Variants in TAS1R2 observed in about 807,000 individuals in gnomAD.
The protein encoded by TAS1R2 is taste 1 receptor member 2.
In TAS1R2, 47 loss-of-function variants were observed where a neutral mutation model predicts 49.3. The ratio of observed to expected loss-of-function variants is 0.95; its 90% confidence interval spans 0.75 to 1.22. The LOEUF (loss-of-function observed/expected upper bound fraction) is 1.22, where lower values mean the gene tolerates loss of function less well. Among genes scored for constraint, TAS1R2 ranks in the 50% most tolerant of loss-of-function variants. The pLI, the probability that TAS1R2 is intolerant of heterozygous loss-of-function variation, is 0.00. For synonymous variants in TAS1R2, 479 were observed against 467.9 expected (o/e 1.02, Z -0.31); for missense variants, 1,155 against 1,122.1 (o/e 1.03, Z -0.42).
chr1:18,841,680 C>T (rs745516806), intron 5 of TAS1R2, 49 bp downstream of exon 5: 1 of 1,584,966 alleles, frequency 6.3e-7, no homozygotes, highest in Non-Finnish European at 8.6e-7. Context: ...AGGGGCAGGG[C>T]AGGGGCAGGG....
chr1:18,859,535 A>T, exon 1 of TAS1R2: 2 of 1,614,182 alleles, frequency 1.2e-6, no homozygotes, highest in Non-Finnish European at 1.7e-6. Context: ...TCATGTTGGC[A>T]TGGAGGGAGA....
intron 4 of TAS1R2, among the ~76,000 whole-genome samples, chr1:18,847,592 CT>C (rs1557597102): frequency 1.3e-5 from 2 of 152,132 alleles, no homozygotes; most frequent in Non-Finnish European, 2.9e-5. Flanking sequence ...TTTTAGATCT[CT>C]AGATCCCCTC....
intron 2 of TAS1R2, among the ~76,000 whole-genome samples, chr1:18,855,529 C>T (rs1212873516): frequency 6.6e-6 from 1 of 152,158 alleles, no homozygotes; most frequent in Non-Finnish European, 1.5e-5. Context: ...CTTGGAGGAC[C>T]CTGGGCTCAG....
In TAS1R2 at chr1:18,857,685, G is replaced by A. The variant is rs556293121; in HGVS notation, c.183-54C>T. On this transcript the variant is annotated intron_variant, in intron 1 of 5. Coordinates refer to ENST00000375371, the Ensembl canonical transcript of TAS1R2. ...AAGCAGATCCAGAATGAGGAAGGAA[G>A]AGATAAGAGAACCAGCCCACTCCTC... 15 of 1,561,560 alleles carry A rather than the reference G, an allele frequency of 9.6e-6. No homozygotes were observed. The African/African-American group carries it at 1.5e-4, about 15-fold the overall frequency.
At position 18,854,546 on chromosome 1, in the gene TAS1R2, C is replaced by T. The variant is rs1399645112; in HGVS notation, c.924G>A (p.Pro308=). 8 of 1,613,628 alleles carry T rather than the reference C, an allele frequency of 5.0e-6. No homozygotes were observed. Among genetic ancestry groups the T allele is most frequent in the East Asian group, 2.2e-5 (1 of 44,886 alleles). Residue 308 remains proline, a synonymous_variant, in exon 3 of 6, where the codon CCG becomes CCA. Transcript: ENST00000375371. The surrounding 1 kb of genome is among the most constrained non-coding windows in gnomAD (Gnocchi z 4.9). ...GCAGCTCCGTGAGGTTGTGCAGGAC[C>T]GGGTCGATGGCCCAGGACTCGGAGG... is the stretch of plus-strand genomic sequence containing the variant.
intron 2 of TAS1R2, among the ~76,000 whole-genome samples, chr1:18,855,461 A>G (rs940548735): frequency 6.6e-6 from 1 of 151,782 alleles, no homozygotes; most frequent in African/African-American, 2.4e-5. Flanking sequence ...TTCCTTCCCA[A>G]CTCACTGGGA....
chr1:18,849,812 G>A (rs1359275489), intron 3 of TAS1R2, among the ~76,000 whole-genome samples: 2 of 152,148 alleles, frequency 1.3e-5, no homozygotes, highest in Non-Finnish European at 2.9e-5. Flanking sequence ...CTCTGAACCC[G>A]TTTCCTCTTC....
In TAS1R2 at chr1:18,847,896, A is replaced by G. The variant is rs150049877; in HGVS notation, c.1467+1445T>C. Among the ~76,000 whole-genome samples the G allele has an allele frequency of 8.1e-3, 1,229 of 152,334 alleles. 8 individuals carry two copies. Among genetic ancestry groups the G allele is most frequent in the Middle Eastern group, 0.034 (10 of 294 alleles). On this transcript the variant is annotated intron_variant, in intron 4 of 5. Coordinates refer to ENST00000375371, the Ensembl canonical transcript of TAS1R2. ...CACAATCATGGCAGAAGGCAAGGAG[A>G]AGCAAGTCACGTCTTAAATGGATAG... is the stretch of plus-strand genomic sequence containing the variant.
exon 6 of TAS1R2, chr1:18,839,787 T>C: frequency 6.2e-7 from 1 of 1,614,130 alleles, no homozygotes. Context: ...GACATGAAGG[T>C]GCAGAGGGAG....
Position 18,854,398 on chromosome 1 carries a change from TATA to T in TAS1R2, c.1069_1071del (p.Tyr357del). ...CAGTTGTCGCACTCCTGGTTGCAGG[TATA>T]GCTCTGGCTGGTCCTGCTGAGGGGT... On this transcript the variant is annotated inframe_deletion, in exon 3 of 6. Transcript: ENST00000375371. This position sits in a 1 kb window ranked among gnomAD's most constrained non-coding sequence, Gnocchi z 4.9. 4 of 1,613,890 alleles carry T rather than the reference TATA, an allele frequency of 2.5e-6. No homozygotes were observed. The highest frequency in any genetic ancestry group is 3.4e-6 in the Non-Finnish European group (4 of 1,179,910).
At chr1:18,843,910 A>G (rs1933871923) in intron 4 of TAS1R2, among the ~76,000 whole-genome samples, 1 of 152,252 alleles carries the variant, frequency 6.6e-6, no homozygotes, top group Non-Finnish European at 1.5e-5. Context: ...AGTGGGTCCA[A>G]GTAAATTTCT....
exon 6 of TAS1R2, chr1:18,840,435 G>A (rs1345480976): frequency 6.2e-7 from 1 of 1,614,182 alleles, no homozygotes; most frequent in East Asian, 2.2e-5. Flanking sequence ...GGTGCCTCAT[G>A]CCATTCCAGG....
At chr1:18,851,533 G>A (rs1388878838) in intron 3 of TAS1R2, among the ~76,000 whole-genome samples, 1 of 152,046 alleles carries the variant, frequency 6.6e-6, no homozygotes, top group Non-Finnish European at 1.5e-5. Context: ...GTTTCACCAT[G>A]TTGGCCAGGC....
chr1:18,850,646 G>A (rs577837254), intron 3 of TAS1R2, among the ~76,000 whole-genome samples: 1 of 152,364 alleles, frequency 6.6e-6, no homozygotes, highest in Admixed American at 6.5e-5. Context: ...GCAGGGTTGA[G>A]CACTTGGGAC....
chr1:18,840,273 T>C (rs374909964), exon 6 of TAS1R2: 26 of 1,613,860 alleles, frequency 1.6e-5, no homozygotes, highest in African/African-American at 4.0e-5. Context: ...GGGACCACCA[T>C]GTATGCCACC....
intron 3 of TAS1R2, among the ~76,000 whole-genome samples, chr1:18,853,631 T>C (rs551783919): frequency 6.6e-6 from 1 of 152,126 alleles, no homozygotes; most frequent in South Asian, 2.1e-4. Context: ...CCCCAAACTG[T>C]GAAAAAGCCA....
exon 5 of TAS1R2, chr1:18,841,791 A>G (rs1933830259): frequency 7.4e-6 from 12 of 1,614,032 alleles, no homozygotes; most frequent in African/African-American, 1.3e-5. Flanking sequence ...GCAGACGTGG[A>G]TGCCCACAGG....
At chr1:18,841,982 T>TGG in intron 4 of TAS1R2, 130 bp from the exon 5 acceptor site, 1 of 521,032 alleles carries the variant, frequency 1.9e-6, no homozygotes, top group Non-Finnish European at 2.6e-6. Context: ...GTGGAAACTG[T>TGG]AGAAAAAAAA....
intron 4 of TAS1R2, among the ~76,000 whole-genome samples, chr1:18,844,139 G>A (rs1352350837): frequency 6.6e-6 from 1 of 152,138 alleles, no homozygotes; most frequent in Non-Finnish European, 1.5e-5. Context: ...CTTTTTTCAG[G>A]GTGAATTCTG....
Sources: gnomAD v4.1 joint callset for allele counts (sites outside exome capture counted in the v4.1 genomes callset) on GRCh38, gnomAD v4.1.1 for gene constraint, Gnocchi (gnomAD v3.1) non-coding constraint, MANE v1.5 for transcripts, NCBI Gene and HGNC (gene_info 2026-07-23, HGNC 2026-07-21) for gene names.